TENM1: variants seen among roughly 807,000 people sequenced by gnomAD.
The protein encoded by TENM1 is teneurin-1.
Under a neutral mutation model 174.8 loss-of-function variants are expected in TENM1, and 35 were observed. The observed-to-expected ratio is 0.20, with a 90% CI of 0.15 to 0.27. The LOEUF (loss-of-function observed/expected upper bound fraction) is 0.27. Ranked by LOEUF, TENM1 falls within the 10% of genes least tolerant of loss-of-function variation. The pLI is 1.00. For missense variants in TENM1, 1,633 were observed against 2,130.1 expected, an observed-to-expected ratio of 0.77 and a Z score of 4.59; for synonymous variants, 781 against 798.7, an observed-to-expected ratio of 0.98 and a Z score of 0.37.
intron 16 of TENM1, among the ~76,000 whole-genome samples, chrX:124,525,530 C>A (rs2047954897): frequency 8.9e-6 from 1 of 111,965 alleles, no homozygotes; most frequent in Admixed American, 9.5e-5. Flanking sequence ...TATTTAAAAA[C>A]AAAAAACAAA....
intron 25 of TENM1, among the ~76,000 whole-genome samples, chrX:124,410,966 G>A (rs1351861935): frequency 2.7e-5 from 3 of 111,627 alleles, no homozygotes; most frequent in Admixed American, 1.9e-4. Context: ...GATATGAGCA[G>A]TGGTTATATC....
chrX:124,616,654 C>T lies in TENM1; in HGVS notation c.2077+25137G>A, dbSNP rs765076801. Among the ~76,000 whole-genome samples, 15 of 112,534 alleles carry T rather than the reference C, an allele frequency of 1.3e-4. No homozygotes were observed. In the South Asian group the frequency reaches 5.5e-3, roughly 41 times the overall value. On this transcript the variant is annotated intron_variant, in intron 11 of 31. Transcript: ENST00000422452. ...CTATAGTAGAAATAGAACACATGGTCTCTACATACTGGACCCTCTAGAACT... is the reference window on the plus strand; with the variant it reads ...CTATAGTAGAAATAGAACACATGGTTTCTACATACTGGACCCTCTAGAACT...
In TENM1 at chrX:124,601,725, T is replaced by C. The variant is rs142176205; in HGVS notation, c.2078-36165A>G. Among the ~76,000 whole-genome samples, 384 of 110,469 alleles carry C rather than the reference T, an allele frequency of 3.5e-3. 3 individuals are homozygous for C. The highest frequency in any genetic ancestry group is 0.012 in the African/African-American group (360 of 30,492). ...CGTATGATTTTTTTCCAATAGGGCTTGGCTACTGCTTGTATAGGTAGGGGC... is the reference window on the plus strand; with the variant it reads ...CGTATGATTTTTTTCCAATAGGGCTCGGCTACTGCTTGTATAGGTAGGGGC... On this transcript the variant is annotated intron_variant, in intron 11 of 31. Coordinates refer to ENST00000422452, the Ensembl canonical transcript of TENM1.
chrX:125,016,068 A>T, the TENM1 span, among the ~76,000 whole-genome samples: 5 of 110,977 alleles, frequency 4.5e-5, no homozygotes, highest in East Asian at 1.4e-3. Context: ...ATTTTTTTTT[A>T]TCTACCTTGT....
the TENM1 span, among the ~76,000 whole-genome samples, chrX:125,063,873 T>G: frequency 1.8e-5 from 2 of 111,628 alleles, no homozygotes; most frequent in Middle Eastern, 9.2e-3. Context: ...ATGTTTACTG[T>G]GGCACTATTC....
the TENM1 span, among the ~76,000 whole-genome samples, chrX:125,085,896 A>T: frequency 9.0e-6 from 1 of 110,731 alleles, no homozygotes; most frequent in Non-Finnish European, 1.9e-5. Context: ...TTTTTTCTAT[A>T]TGCTTATGAT....
the TENM1 span, among the ~76,000 whole-genome samples, chrX:125,066,639 C>A: frequency 1.4e-4 from 16 of 111,444 alleles, no homozygotes; most frequent in Non-Finnish European, 3.8e-5. Flanking sequence ...TAGTATAATT[C>A]TATTGACACT....
the TENM1 span, among the ~76,000 whole-genome samples, chrX:125,000,147 T>G: frequency 8.9e-6 from 1 of 111,980 alleles, no homozygotes; most frequent in Non-Finnish European, 1.9e-5. Context: ...TGCAGTGCAT[T>G]GTAAATCATA....
chrX:124,918,042 G>A (rs1255560575), intron 1 of TENM1, among the ~76,000 whole-genome samples: 1 of 112,133 alleles, frequency 8.9e-6, no homozygotes, highest in Non-Finnish European at 1.9e-5. Flanking sequence ...TAAACAAACA[G>A]AAACCTTCTC....
intron 18 of TENM1, among the ~76,000 whole-genome samples, chrX:124,520,201 A>C (rs1010678934): frequency 2.7e-5 from 3 of 111,934 alleles, no homozygotes; most frequent in African/African-American, 9.7e-5. Flanking sequence ...ATCCAAAAAC[A>C]TGGCCTTATA....
At chrX:124,697,465 T>C (rs1375138670) in intron 5 of TENM1, among the ~76,000 whole-genome samples, 2 of 111,039 alleles carry the variant, frequency 1.8e-5, no homozygotes, top group Admixed American at 9.6e-5. Context: ...TGGTGTAATT[T>C]GTTAATGGGC....
At chrX:124,384,603 T>C in exon 30 of TENM1, 1 of 1,211,663 alleles carries the variant, frequency 8.3e-7, no homozygotes, top group East Asian at 3.0e-5. Context: ...CCATTGGCAC[T>C]GAAGATTTTG....
chrX:125,159,110 T>C, the TENM1 span, among the ~76,000 whole-genome samples: 1,373 of 111,278 alleles, frequency 0.012, 14 homozygotes, highest in Non-Finnish European at 0.017. Context: ...AAAAAAGAAA[T>C]TGGGTACTAT....
At chrX:124,659,155 T>C (rs1469573024) in intron 6 of TENM1, among the ~76,000 whole-genome samples, 3 of 112,163 alleles carry the variant, frequency 2.7e-5, no homozygotes, top group Non-Finnish European at 5.6e-5. Flanking sequence ...GCCAATTACT[T>C]TGACTTTTCT....
At chrX:124,732,051 T>C (rs1299946777) in intron 4 of TENM1, among the ~76,000 whole-genome samples, 2 of 112,003 alleles carry the variant, frequency 1.8e-5, no homozygotes, top group African/African-American at 6.5e-5. Flanking sequence ...GTTTGTATGG[T>C]AGAATTAGAA....
the TENM1 span, among the ~76,000 whole-genome samples, chrX:124,970,545 C>T: frequency 3.8e-4 from 43 of 112,435 alleles, no homozygotes; most frequent in South Asian, 7.3e-4. Flanking sequence ...CTGACTGATT[C>T]TCCTCTTAAC....
chrX:125,160,719 A>G, the TENM1 span, among the ~76,000 whole-genome samples: 3 of 109,727 alleles, frequency 2.7e-5, no homozygotes, highest in East Asian at 8.6e-4. Context: ...ATGCTTCAAG[A>G]AAGACTACAA....
chrX:125,097,677 T>C, the TENM1 span, among the ~76,000 whole-genome samples: 1 of 112,299 alleles, frequency 8.9e-6, no homozygotes, highest in African/African-American at 3.2e-5. Context: ...ATTTTGATCC[T>C]GAGATAATGT....
chrX:124,608,775 A>G (rs1404891083), intron 11 of TENM1, among the ~76,000 whole-genome samples: 2 of 90,362 alleles, frequency 2.2e-5, no homozygotes, highest in Admixed American at 1.4e-4. Context: ...CACCAGGAAG[A>G]GTAAGCTTTT....
Sources: gnomAD v4.1 joint callset for allele counts (sites outside exome capture counted in the v4.1 genomes callset) on GRCh38, gnomAD v4.1.1 for gene constraint, MANE v1.5 for transcripts, NCBI Gene and HGNC (gene_info 2026-07-23, HGNC 2026-07-21) for gene names.